MYH8: variants seen among roughly 807,000 people sequenced by gnomAD.
MYH8 encodes myosin heavy chain 8, also known as myosin-8.
In MYH8, 168 loss-of-function variants were observed where a neutral mutation model predicts 233.2. The ratio of observed to expected loss-of-function variants is 0.72; its 90% CI spans 0.64 to 0.82. The LOEUF is 0.82. Among genes scored for constraint, MYH8 ranks in the 40% least tolerant of loss-of-function variants. The pLI is 0.00. For synonymous variants in MYH8, 785 were observed against 850.6 expected (o/e 0.92, Z 1.34); for missense variants, 1,995 against 2,327.8 (o/e 0.86, Z 2.94).
chr17:10,399,800 T>G, intron 27 of MYH8, 131 bp from the exon 28 acceptor site: 2 of 1,322,202 alleles, frequency 1.5e-6, no homozygotes, highest in Non-Finnish European at 2.1e-6. Context: ...ATCAACTCTG[T>G]GGAACATGCA....
intron 38 of MYH8, among the ~76,000 whole-genome samples, chr17:10,392,278 A>G (rs1168959227): frequency 6.6e-6 from 1 of 151,274 alleles, no homozygotes; most frequent in Non-Finnish European, 1.5e-5. Flanking sequence ...TCAAGAAGCA[A>G]GAGAGGCCAA....
chr17:10,406,040 C>G lies in MYH8; in HGVS notation c.2432+1G>C, dbSNP rs1424539459. On this transcript the variant is annotated splice_donor_variant, in intron 21 of 39. Transcript: ENST00000403437. LOFTEE classifies it high-confidence loss of function. Reference sequence around the variant, plus strand: ...ATTCTGATATTCTGAATGATTGTTACCTCCTTTGCAACATCTTCTGATATT... The same window carrying G: ...ATTCTGATATTCTGAATGATTGTTAGCTCCTTTGCAACATCTTCTGATATT... The G allele has an allele frequency of 6.2e-7, 1 of 1,613,666 alleles. No individual in the cohort carries two copies. The highest frequency in any genetic ancestry group is 1.1e-5 in the South Asian group (1 of 91,070).
Position 10,393,179 on chromosome 17 carries a change from A to G in MYH8, c.5198T>C (p.Leu1733Ser). Residue 1733 changes from leucine (L) to serine (S), a missense_variant, in exon 36 of 40, where the codon TTA becomes TCA. Physicochemically the swap from Leu to Ser is moderately radical, Grantham distance 145. Transcript: ENST00000403437. ...NTSLINTKKK[L>S]ENDVSQLQSE... Reference sequence around the variant, plus strand: ...TTGGAGTTGGGAAACGTCATTTTCTAATTTCTTCTTGGTGTTAATGAGACT... The same window carrying G: ...TTGGAGTTGGGAAACGTCATTTTCTGATTTCTTCTTGGTGTTAATGAGACT... The G allele has an allele frequency of 6.2e-7, 1 of 1,613,972 alleles. No homozygotes were observed. The highest frequency in any genetic ancestry group is 8.5e-7 in the Non-Finnish European group (1 of 1,180,008).
chr17:10,404,030 GC>G (rs1235526517), intron 22 of MYH8, among the ~76,000 whole-genome samples: 1 of 152,168 alleles, frequency 6.6e-6, no homozygotes, highest in African/African-American at 2.4e-5. Flanking sequence ...GGCTAAAGTA[GC>G]CCAGGCAAAG....
rs983376182 is a variant in MYH8 at position 10,404,587 on chromosome 17, T to G, written c.2433-2A>C. The stretch of plus-strand genomic sequence containing the variant: ...TACTGGATGCAGAAAAGTGCTTCTC[T>G]GCGATGACATGAAAATATCAGTGTA... On this transcript the variant is annotated splice_acceptor_variant, in intron 21 of 39. Coordinates refer to ENST00000403437, the MANE Select transcript of MYH8 (RefSeq NM_002472.3). LOFTEE classifies it high-confidence loss of function. 6.2e-7 allele frequency: 1 copy of G among 1,613,844 alleles called. No individual in the cohort carries two copies. The highest frequency in any genetic ancestry group is 1.3e-5 in the African/African-American group (1 of 74,918).
chr17:10,417,247 G>T lies in MYH8; in HGVS notation c.511+1398C>A, dbSNP rs184083371. ...TTAAATCTCTAATTCTATAGTGTTA[G>T]ATTATAGATTTTAGAGAATTCTAAA... is the stretch of plus-strand genomic sequence containing the variant. On this transcript the variant is annotated intron_variant, in intron 5 of 39. Transcript: ENST00000403437. The surrounding 1 kb of genome is among the most constrained non-coding windows in gnomAD (Gnocchi z 4.1). 3.0e-4 allele frequency among the ~76,000 whole-genome samples: 45 copies of T among 152,258 alleles called. No homozygotes were observed. The highest frequency in any genetic ancestry group is 1.1e-3 in the African/African-American group (45 of 41,548).
chr17:10,420,314 G>A, intron 2 of MYH8, 57 bp from the exon 3 acceptor site: 1 of 1,448,674 alleles, frequency 6.9e-7, no homozygotes, highest in Admixed American at 1.9e-5. Context: ...ACAAATGTGA[G>A]TTAGGATTTG....
chr17:10,419,415 T>G lies in MYH8; in HGVS notation c.211-385A>C, dbSNP rs2072317495. 6.6e-6 allele frequency among the ~76,000 whole-genome samples: 1 copy of G among 152,188 alleles called. No individual in the cohort carries two copies. The highest frequency in any genetic ancestry group is 6.5e-5 in the Admixed American group (1 of 15,280). Reference sequence around the variant, plus strand: ...GTTTATGTTTGCCTGTATATTTTGGTACAAAACTATAATCACACATACTTC... The same window carrying G: ...GTTTATGTTTGCCTGTATATTTTGGGACAAAACTATAATCACACATACTTC... On this transcript the variant is annotated intron_variant, in intron 3 of 39. Transcript: ENST00000403437. This position sits in a 1 kb window ranked among gnomAD's most constrained non-coding sequence, Gnocchi z 4.0.
rs570849122 is a variant in MYH8 at position 10,417,377 on chromosome 17, G to A, written c.511+1268C>T. 1.1e-3 allele frequency among the ~76,000 whole-genome samples: 175 copies of A among 152,314 alleles called. No individual in the cohort carries two copies. The highest frequency in any genetic ancestry group is 6.2e-3 in the South Asian group (30 of 4,818). Reference sequence around the variant, plus strand: ...CTTTAGCCTTCTCTTCAGGGAAGTCGATGCAGATTTTGCATCCTATTCAGA... The same window carrying A: ...CTTTAGCCTTCTCTTCAGGGAAGTCAATGCAGATTTTGCATCCTATTCAGA... On this transcript the variant is annotated intron_variant, in intron 5 of 39. Coordinates refer to ENST00000403437, the MANE Select transcript of MYH8 (RefSeq NM_002472.3). The surrounding 1 kb of genome is among the most constrained non-coding windows in gnomAD (Gnocchi z 4.1).
chr17:10,420,534 G>A (rs1319380934), intron 2 of MYH8, among the ~76,000 whole-genome samples: 1 of 152,194 alleles, frequency 6.6e-6, no homozygotes, highest in Non-Finnish European at 1.5e-5. Flanking sequence ...AACCTCTACA[G>A]CTAAAACTAT....
intron 9 of MYH8, 150 bp downstream of exon 9, chr17:10,414,966 A>G (rs1399425041): frequency 2.6e-6 from 2 of 771,310 alleles, no homozygotes; most frequent in South Asian, 1.5e-5. Flanking sequence ...CACTCAGTGG[A>G]TTATGGGTAA....
chr17:10,399,679 A>T lies in MYH8; in HGVS notation c.3736-10T>A. ...TCTTTTCAAGGTTTCCCTACAGGAT[A>T]TGTAGCAATGAAAGATGAGACATTG... On this transcript the variant is annotated splice_polypyrimidine_tract_variant and intron_variant, in intron 27 of 39. Transcript: ENST00000403437. 3 of 1,613,908 alleles carry T rather than the reference A, an allele frequency of 1.9e-6. No individual in the cohort carries two copies. The South Asian group carries it at 3.3e-5, about 18-fold the overall frequency.
Position 10,417,983 on chromosome 17 carries a change from A to G in MYH8, c.511+662T>C, listed in dbSNP as rs550593819. ...GCAGTGCATTTGGTGTGTGAAGATAAAAGGTTTTAATGCTGTATTTGGGCC... is the reference window on the plus strand; with the variant it reads ...GCAGTGCATTTGGTGTGTGAAGATAGAAGGTTTTAATGCTGTATTTGGGCC... On this transcript the variant is annotated intron_variant, in intron 5 of 39. Coordinates refer to ENST00000403437, the MANE Select transcript of MYH8 (RefSeq NM_002472.3). The surrounding 1 kb of genome is among the most constrained non-coding windows in gnomAD (Gnocchi z 4.1). 5.9e-5 allele frequency among the ~76,000 whole-genome samples: 9 copies of G among 152,320 alleles called. No individual in the cohort carries two copies. Among genetic ancestry groups the G allele is most frequent in the African/African-American group, 2.2e-4 (9 of 41,558 alleles).
intron 27 of MYH8, 24 bp from the exon 28 acceptor site, chr17:10,399,693 GA>G: frequency 1.2e-6 from 2 of 1,613,630 alleles, no homozygotes. Flanking sequence ...AGCAATGAAA[GA>G]TGAGACATTG....
Position 10,415,429 on chromosome 17 carries a change from T to C in MYH8, c.648+43A>G. Reference sequence around the variant, plus strand: ...TCTCACATCTGGGACTCCAGATGTCTGAGAGCCTTGACAGAGGTTTTGACT... The same window carrying C: ...TCTCACATCTGGGACTCCAGATGTCCGAGAGCCTTGACAGAGGTTTTGACT... On this transcript the variant is annotated intron_variant, in intron 7 of 39. Coordinates refer to ENST00000403437, the MANE Select transcript of MYH8 (RefSeq NM_002472.3). This position sits in a 1 kb window ranked among gnomAD's most constrained non-coding sequence, Gnocchi z 4.1. 6.2e-7 allele frequency: 1 copy of C among 1,612,628 alleles called. No homozygotes were observed. Among genetic ancestry groups the C allele is most frequent in the East Asian group, 2.2e-5 (1 of 44,876 alleles).
chr17:10,405,775 C>T (rs972203968), intron 21 of MYH8, among the ~76,000 whole-genome samples: 4 of 152,188 alleles, frequency 2.6e-5, no homozygotes. Context: ...AGGGCCTTGA[C>T]AGGCAAGCAA....
At chr17:10,390,727 T>C in intron 39 of MYH8, 124 bp from the exon 40 acceptor site, 1 of 1,126,278 alleles carries the variant, frequency 8.9e-7, no homozygotes, top group East Asian at 2.4e-5. Flanking sequence ...TATCCGACTT[T>C]AAATCTAAAC....
chr17:10,410,870 C>T lies in MYH8; in HGVS notation c.1494G>A (p.Val498=), dbSNP rs549106124. 4.7e-5 allele frequency: 76 copies of T among 1,613,994 alleles called. 1 individual carries two copies. In the Middle Eastern group the frequency reaches 6.6e-4, roughly 14 times the overall value. Residue 498 remains valine, a synonymous_variant, in exon 15 of 40, where the codon GTG becomes GTA. Transcript: ENST00000403437. ...LQQFFNHHMF[V]LEQEEYKKEG... ...CCTTCTTGTACTCCTCCTGCTCTAG[C>T]ACAAACATGTGGTGGTTGAAAAACT...
chr17:10,394,629 CAT>C (rs1309665367), intron 34 of MYH8, among the ~76,000 whole-genome samples, 177 bp from the exon 35 acceptor site: 4 of 152,220 alleles, frequency 2.6e-5, no homozygotes, highest in Admixed American at 1.3e-4. Flanking sequence ...TATCAGGAGA[CAT>C]AGATTCTTGT....
Sources: gnomAD v4.1 joint callset for allele counts (sites outside exome capture counted in the v4.1 genomes callset) on GRCh38, gnomAD v4.1.1 for gene constraint, Gnocchi (gnomAD v3.1) non-coding constraint, MANE v1.5 for transcripts, NCBI Gene and HGNC (gene_info 2026-07-23, HGNC 2026-07-21) for gene names.